FEZF2: variants seen among roughly 807,000 people sequenced by gnomAD.
FEZF2 encodes fez family zinc finger protein 2.
FEZF2 carries 2 observed loss-of-function variants against 32.8 expected under a neutral mutation model. The ratio of observed to expected loss-of-function variants is 0.06; its 90% CI spans 0.02 to 0.19. The LOEUF (loss-of-function observed/expected upper bound fraction) is 0.19, where lower values mean the gene tolerates loss of function less well. FEZF2 is among the 10% of genes least tolerant of loss of function. FEZF2 has a pLI of 1.00. For missense variants in FEZF2, 516 were observed against 625.4 expected (o/e 0.83, Z 1.87); for synonymous variants, 322 against 284.8 (o/e 1.13, Z -1.32).
rs1323171756 is a variant in FEZF2, at chr3:62,372,993, C to T, written c.-58-67G>A. 6 of 954,382 alleles carry T rather than the reference C, an allele frequency of 6.3e-6. No individual in the cohort carries two copies. Among genetic ancestry groups the T allele is most frequent in the East Asian group, 3.3e-5 (1 of 30,688 alleles). 59.1% of individuals were successfully genotyped at this position (954,382 alleles called of 1,614,324 possible). A position where few individuals can be genotyped will look rare whatever the true frequency, so the allele number is the denominator to read the frequency against. On this transcript the variant is annotated intron_variant, in intron 1 of 4. Coordinates refer to ENST00000283268, the MANE Select transcript of FEZF2 (RefSeq NM_018008.4). This position sits in a 1 kb window ranked among gnomAD's most constrained non-coding sequence, Gnocchi z 9.6. ...AAGCACCTAGTCGGGCCCGGGTCACCCATTTGCATTCAAATGAACAGGGGC... is the reference window on the plus strand; with the variant it reads ...AAGCACCTAGTCGGGCCCGGGTCACTCATTTGCATTCAAATGAACAGGGGC...
At position 62,372,895 on chromosome 3, in the gene FEZF2, C is replaced by T. The variant is rs951290529; in HGVS notation, c.-27G>A. The T allele has an allele frequency of 3.6e-6, 5 of 1,375,330 alleles. No homozygotes were observed. The highest frequency in any genetic ancestry group is 6.5e-5 in the Admixed American group (2 of 30,700). The allele number at this position is 1,375,330 out of a possible 1,614,324, so 85.2% of individuals were successfully genotyped here. A position where few individuals can be genotyped will look rare whatever the true frequency, so the allele number is the denominator to read the frequency against. ...GCGCGCGGAGCTGAGCCGAGCCAGG[C>T]TGGGCCAGGGCGCAGCCTCTCTCCT... On this transcript the variant is annotated 5_prime_UTR_variant, in exon 2 of 5. Transcript: ENST00000283268. This position sits in a 1 kb window ranked among gnomAD's most constrained non-coding sequence, Gnocchi z 9.6.
chr3:62,372,831 G>A lies in FEZF2; in HGVS notation c.38C>T (p.Pro13Leu), dbSNP rs1331577926. The A allele has an allele frequency of 2.0e-6, 3 of 1,508,630 alleles. No homozygotes were observed. The highest frequency in any genetic ancestry group is 2.7e-6 in the Non-Finnish European group (3 of 1,122,220). The allele number at this position is 1,508,630 out of a possible 1,614,324, so 93.5% of individuals were successfully genotyped here. A position where few individuals can be genotyped will look rare whatever the true frequency, so the allele number is the denominator to read the frequency against. The change falls in exon 2 of 5, where the codon CCG becomes CTG. Residue 13 changes from proline to leucine, a missense_variant. This residue lies in a region of FEZF2 where 408 missense variants were observed against 382.2 expected (regional missense o/e 1.07). Transcript: ENST00000283268. This position sits in a 1 kb window ranked among gnomAD's most constrained non-coding sequence, Gnocchi z 9.6. Reference protein sequence around the residue: ...SSASLETMVPPACPRAGASPA... With the variant: ...SSASLETMVPLACPRAGASPA... ...CGACGCTCCGGCGCGCGGGCAGGCC[G>A]GGGGCACCATGGTCTCCAGGGAAGC...
rs1704292499 is a variant in FEZF2, at chr3:62,372,726, G to A, written c.143C>T (p.Pro48Leu). ...KTSEPRAPFE[P>L]RPGALEADGS... Reference sequence around the variant, plus strand: ...GTCCGCCTCTAGCGCTCCAGGCCGGGGCTCAAAGGGCGCACGGGGCTCCGA... The same window carrying A: ...GTCCGCCTCTAGCGCTCCAGGCCGGAGCTCAAAGGGCGCACGGGGCTCCGA... Residue 48 changes from proline to leucine, a missense_variant, in exon 2 of 5, where the codon CCC becomes CTC. This residue lies in a region of FEZF2 where 408 missense variants were observed against 382.2 expected (regional missense o/e 1.07). Coordinates refer to ENST00000283268, the MANE Select transcript of FEZF2 (RefSeq NM_018008.4). The surrounding 1 kb of genome is among the most constrained non-coding windows in gnomAD (Gnocchi z 9.6). 2 of 1,609,558 alleles carry A rather than the reference G, an allele frequency of 1.2e-6. No individual in the cohort carries two copies. The highest frequency in any genetic ancestry group is 1.1e-5 in the South Asian group (1 of 90,312).
rs1704283304 is a variant in FEZF2 at position 62,372,291 on chromosome 3, G to A, written c.578C>T (p.Ser193Phe). 1.2e-6 allele frequency: 2 copies of A among 1,603,930 alleles called. No homozygotes were observed. Among genetic ancestry groups the A allele is most frequent in the Non-Finnish European group, 1.7e-6 (2 of 1,176,106 alleles). ...GGGGGCCTGCGCATTGAGGAGGCCA[G>A]ACGGGAAGAGGTGGCCGCTGAGGAG... The part of the protein sequence containing the change: ...SELLSGHLFP[S>F]GLLNAQAPAA... Residue 193 changes from serine (S) to phenylalanine (F), a missense_variant, in exon 2 of 5, where the codon TCT becomes TTT. Ser to Phe is a radical substitution (Grantham distance 155). Transcript: ENST00000283268. The surrounding 1 kb of genome is among the most constrained non-coding windows in gnomAD (Gnocchi z 9.6).
In FEZF2 at chr3:62,372,701, G is replaced by A; in HGVS notation, c.168C>T (p.Asp56=). The A allele has an allele frequency of 3.1e-6, 5 of 1,608,078 alleles. No individual in the cohort carries two copies. Among genetic ancestry groups the A allele is most frequent in the Non-Finnish European group, 4.2e-6 (5 of 1,177,334 alleles). The change falls in exon 2 of 5, where the codon GAC becomes GAT. Residue 56 remains aspartate (D), a synonymous_variant. Transcript: ENST00000283268. This position sits in a 1 kb window ranked among gnomAD's most constrained non-coding sequence, Gnocchi z 9.6. ...FEPRPGALEA[D]GSQGKKLLNL... ...TGAGCAGTTTCTTGCCCTGGCTGCCGTCCGCCTCTAGCGCTCCAGGCCGGG... is the reference window on the plus strand; with the variant it reads ...TGAGCAGTTTCTTGCCCTGGCTGCCATCCGCCTCTAGCGCTCCAGGCCGGG...
At position 62,372,572 on chromosome 3, in the gene FEZF2, G is replaced by A; in HGVS notation, c.297C>T (p.Leu99=). Residue 99 remains leucine, a synonymous_variant, in exon 2 of 5, where the codon CTC becomes CTT. Coordinates refer to ENST00000283268, the MANE Select transcript of FEZF2 (RefSeq NM_018008.4). This position sits in a 1 kb window ranked among gnomAD's most constrained non-coding sequence, Gnocchi z 9.6. ...CGCCGCCTCCGCCGCCGCCCGCCCG[G>A]AGGCTGCTTTTCCAGAGCTCCGAGT... is the stretch of plus-strand genomic sequence containing the variant. The part of the protein sequence containing the change: ...LSYSELWKSS[L]RAGGGGGGGG... 1 of 1,396,776 alleles carries A rather than the reference G, an allele frequency of 7.2e-7. No homozygotes were observed. The highest frequency in any genetic ancestry group is 2.0e-4 in the Middle Eastern group (1 of 5,074). The allele number at this position is 1,396,776 out of a possible 1,614,324, so 86.5% of individuals were successfully genotyped here. A position where few individuals can be genotyped will look rare whatever the true frequency, so the allele number is the denominator to read the frequency against.
At chr3:62,371,192 G>A (rs1201649152) in intron 4 of FEZF2, 25 bp downstream of exon 4, 1 of 1,614,156 alleles carries the variant, frequency 6.2e-7, no homozygotes, top group Non-Finnish European at 8.5e-7. Context: ...GAGGTGAGAA[G>A]AGAAGGCCTC....
intron 2 of FEZF2, 26 bp downstream of exon 2, chr3:62,371,991 C>G: frequency 2.5e-6 from 4 of 1,594,358 alleles, no homozygotes; most frequent in East Asian, 2.2e-5. Context: ...CCCTCCCGGC[C>G]CCCCTCGCCG....
intron 3 of FEZF2, 39 bp downstream of exon 3, chr3:62,371,494 G>A (rs763436977): frequency 1.3e-6 from 2 of 1,592,458 alleles, no homozygotes; most frequent in South Asian, 1.1e-5. Context: ...AGATTCTGGG[G>A]GTTGCGCGCG....
Position 62,369,874 on chromosome 3 carries a change from A to T in FEZF2, c.*209T>A. 1 of 558,786 alleles carries T rather than the reference A, an allele frequency of 1.8e-6. No homozygotes were observed. Among genetic ancestry groups the T allele is most frequent in the Non-Finnish European group, 3.0e-6 (1 of 331,820 alleles). The allele number at this position is 558,786 out of a possible 1,614,324, so 34.6% of individuals were successfully genotyped here. Reference sequence around the variant, plus strand: ...ACGTTTCGGCGCACTGGATTTAAATAAGTTTCCTGAATATACAAAGGTGGG... The same window carrying T: ...ACGTTTCGGCGCACTGGATTTAAATTAGTTTCCTGAATATACAAAGGTGGG... On this transcript the variant is annotated 3_prime_UTR_variant, in exon 5 of 5. Coordinates refer to ENST00000283268, the MANE Select transcript of FEZF2 (RefSeq NM_018008.4). The surrounding 1 kb of genome is among the most constrained non-coding windows in gnomAD (Gnocchi z 4.2).
rs868273226 is a variant in FEZF2 at position 62,372,519 on chromosome 3, C to A, written c.350G>T (p.Gly117Val). ...GGGGGGGGGGGAPVCGASGLC... is the reference protein window; with the variant it reads ...GGGGGGGGGGVAPVCGASGLC... The stretch of plus-strand genomic sequence containing the variant: ...GCCGCTGGCGCCGCACACTGGGGCC[C>A]CCCCGCCGCCGCCGCCGCCACCGCC... Residue 117 changes from glycine (G) to valine (V), a missense_variant, in exon 2 of 5, where the codon GGG becomes GTG. Physicochemically the swap from Gly to Val is moderately radical, Grantham distance 109 (BLOSUM62 -3). This residue lies in a region of FEZF2 where 408 missense variants were observed against 382.2 expected (regional missense o/e 1.07). Coordinates refer to ENST00000283268, the MANE Select transcript of FEZF2 (RefSeq NM_018008.4). This position sits in a 1 kb window ranked among gnomAD's most constrained non-coding sequence, Gnocchi z 9.6. 1.5e-6 allele frequency: 2 copies of A among 1,299,228 alleles called. No individual in the cohort carries two copies. The highest frequency in any genetic ancestry group is 2.4e-4 in the Middle Eastern group (1 of 4,186). The allele number at this position is 1,299,228 out of a possible 1,614,324, so 80.5% of individuals were successfully genotyped here.
Position 62,372,979 on chromosome 3 carries a change from CG to C in FEZF2, c.-58-54del. On this transcript the variant is annotated intron_variant, in intron 1 of 4. Transcript: ENST00000283268. The surrounding 1 kb of genome is among the most constrained non-coding windows in gnomAD (Gnocchi z 9.6). ...AACTGCAATTTAATAAGCACCTAGTCGGGCCCGGGTCACCCATTTGCATTCA... is the reference window on the plus strand; with the variant it reads ...AACTGCAATTTAATAAGCACCTAGTCGGCCCGGGTCACCCATTTGCATTCA... The C allele has an allele frequency of 9.1e-7, 1 of 1,093,742 alleles. No individual in the cohort carries two copies. The highest frequency in any genetic ancestry group is 1.2e-6 in the Non-Finnish European group (1 of 832,154). 67.8% of individuals were successfully genotyped at this position (1,093,742 alleles called of 1,614,324 possible).
In FEZF2 at chr3:62,373,112, G is replaced by C; in HGVS notation, c.-59+167C>G. On this transcript the variant is annotated intron_variant, in intron 1 of 4. Transcript: ENST00000283268. This position sits in a 1 kb window ranked among gnomAD's most constrained non-coding sequence, Gnocchi z 5.5. ...CCCTGCCCTGGGACTTTGAAAGGGGGAAGAAGGGGGAGGGTTTACAAAAGA... is the reference window on the plus strand; with the variant it reads ...CCCTGCCCTGGGACTTTGAAAGGGGCAAGAAGGGGGAGGGTTTACAAAAGA... The C allele has an allele frequency of 4.1e-6, 1 of 241,006 alleles. No homozygotes were observed. Among genetic ancestry groups the C allele is most frequent in the Non-Finnish European group, 7.9e-6 (1 of 126,554 alleles). The allele number at this position is 241,006 out of a possible 1,614,324, so 14.9% of individuals were successfully genotyped here.
Position 62,373,007 on chromosome 3 carries a change from A to G in FEZF2, c.-58-81T>C. On this transcript the variant is annotated intron_variant, in intron 1 of 4. Transcript: ENST00000283268. The surrounding 1 kb of genome is among the most constrained non-coding windows in gnomAD (Gnocchi z 5.5). ...GCCCGGGTCACCCATTTGCATTCAA[A>G]TGAACAGGGGCAAAACAAAGTGCAC... 3.6e-6 allele frequency: 3 copies of G among 841,220 alleles called. No homozygotes were observed. Among genetic ancestry groups the G allele is most frequent in the Non-Finnish European group, 4.9e-6 (3 of 613,176 alleles). 52.1% of individuals were successfully genotyped at this position (841,220 alleles called of 1,614,324 possible).
In FEZF2 at chr3:62,370,675, C is replaced by T. The variant is rs578131836; in HGVS notation, c.1121-333G>A. ...CACCGAGTCCTTCTCCTGGCTGATG[C>T]CTCGCTAGAAGAAATTCGCACGAAC... is the stretch of plus-strand genomic sequence containing the variant. On this transcript the variant is annotated intron_variant, in intron 4 of 4. Coordinates refer to ENST00000283268, the MANE Select transcript of FEZF2 (RefSeq NM_018008.4). This position sits in a 1 kb window ranked among gnomAD's most constrained non-coding sequence, Gnocchi z 4.2. 6.6e-6 allele frequency among the ~76,000 whole-genome samples: 1 copy of T among 152,356 alleles called. No homozygotes were observed. The highest frequency in any genetic ancestry group is 1.5e-5 in the Non-Finnish European group (1 of 68,036).
rs563660680 is a variant in FEZF2, at chr3:62,370,702, C to T, written c.1121-360G>A. 6.6e-6 allele frequency among the ~76,000 whole-genome samples: 1 copy of T among 152,292 alleles called. No homozygotes were observed. The highest frequency in any genetic ancestry group is 2.1e-4 in the South Asian group (1 of 4,828). ...TCGCTAGAAGAAATTCGCACGAACC[C>T]GGGCTTCATCCTTTTTCTTTTCCCC... On this transcript the variant is annotated intron_variant, in intron 4 of 4. Coordinates refer to ENST00000283268, the MANE Select transcript of FEZF2 (RefSeq NM_018008.4). The surrounding 1 kb of genome is among the most constrained non-coding windows in gnomAD (Gnocchi z 4.2).
Position 62,371,623 on chromosome 3 carries a change from G to A in FEZF2, c.897C>T (p.His299=). The change falls in exon 3 of 5, where the codon CAC becomes CAT. Residue 299 remains histidine (H), a synonymous_variant. Coordinates refer to ENST00000283268, the MANE Select transcript of FEZF2 (RefSeq NM_018008.4). ...TGCACACGAACGGTCTGGCTCCGGT[G>A]TGGACCGGCATGTGGCGGGTGAGAT... The part of the protein sequence containing the change: ...HYNLTRHMPV[H]TGARPFVCKV... 1.2e-6 allele frequency: 2 copies of A among 1,614,202 alleles called. No homozygotes were observed. Among genetic ancestry groups the A allele is most frequent in the South Asian group, 1.1e-5 (1 of 91,082 alleles).
chr3:62,369,962 G>T lies in FEZF2; in HGVS notation c.*121C>A, dbSNP rs902552065. ...AGCTTTCCAAAAATATGCTGGTTTC[G>T]ATAAATAGATTTTAGCCTCTCTGCT... On this transcript the variant is annotated 3_prime_UTR_variant, in exon 5 of 5. Transcript: ENST00000283268. The surrounding 1 kb of genome is among the most constrained non-coding windows in gnomAD (Gnocchi z 4.2). 8.0e-7 allele frequency: 1 copy of T among 1,248,242 alleles called. No homozygotes were observed. The highest frequency in any genetic ancestry group is 2.9e-5 in the Admixed American group (1 of 34,318). The allele number at this position is 1,248,242 out of a possible 1,614,324, so 77.3% of individuals were successfully genotyped here.
At position 62,372,890 on chromosome 3, in the gene FEZF2, C is replaced by A. The variant is rs1387367763; in HGVS notation, c.-22G>T. On this transcript the variant is annotated 5_prime_UTR_variant, in exon 2 of 5. Coordinates refer to ENST00000283268, the MANE Select transcript of FEZF2 (RefSeq NM_018008.4). This position sits in a 1 kb window ranked among gnomAD's most constrained non-coding sequence, Gnocchi z 9.6. ...CCATGGCGCGCGGAGCTGAGCCGAG[C>A]CAGGCTGGGCCAGGGCGCAGCCTCT... The A allele has an allele frequency of 2.2e-6, 3 of 1,375,384 alleles. No homozygotes were observed. In the African/African-American group the frequency reaches 4.5e-5, roughly 21 times the overall value. The allele number at this position is 1,375,384 out of a possible 1,614,324, so 85.2% of individuals were successfully genotyped here.
Sources: gnomAD v4.1 joint callset for allele counts (sites outside exome capture counted in the v4.1 genomes callset) on GRCh38, gnomAD v4.1.1 for gene constraint, gnomAD v4.1.1 regional missense constraint, Gnocchi (gnomAD v3.1) non-coding constraint, MANE v1.5 for transcripts, NCBI Gene and HGNC (gene_info 2026-07-23, HGNC 2026-07-21) for gene names.